PPP1R12A: variants seen among roughly 807,000 people sequenced by gnomAD.
The protein encoded by PPP1R12A is protein phosphatase 1 regulatory subunit 12A.
In PPP1R12A, 19 loss-of-function variants were observed where a neutral mutation model predicts 139.6. That is an observed-to-expected ratio of 0.14 (90% CI 0.09 to 0.20). PPP1R12A has a LOEUF of 0.20. PPP1R12A is among the 10% of genes least tolerant of loss of function. PPP1R12A has a pLI of 1.00. For synonymous variants in PPP1R12A, 427 were observed against 420.6 expected (o/e 1.02, Z -0.19); for missense variants, 925 against 1,211.5 (o/e 0.76, Z 3.51).
intron 1 of PPP1R12A, among the ~76,000 whole-genome samples, chr12:79,895,437 A>G (rs969723825): frequency 6.6e-6 from 1 of 152,298 alleles, no homozygotes; most frequent in African/African-American, 2.4e-5. Flanking sequence ...TTCAAAATTA[A>G]AATATACTAG....
rs149961240 is a variant in PPP1R12A, at chr12:79,855,746, G to C, written c.369-10326C>G. 4.6e-3 allele frequency among the ~76,000 whole-genome samples: 690 copies of C among 151,254 alleles called. 5 individuals are homozygous for C. Among genetic ancestry groups the C allele is most frequent in the Non-Finnish European group, 6.9e-3 (468 of 67,808 alleles). On this transcript the variant is annotated intron_variant, in intron 2 of 24. Coordinates refer to ENST00000450142, the MANE Select transcript of PPP1R12A (RefSeq NM_002480.3). Reference sequence around the variant, plus strand: ...CACATTTACAGTTAAGTGAGATAAAGACTACAAATAGCCTCCCATCAGTGC... The same window carrying C: ...CACATTTACAGTTAAGTGAGATAAACACTACAAATAGCCTCCCATCAGTGC...
At chr12:79,932,249 C>G (rs1888306988) in intron 1 of PPP1R12A, among the ~76,000 whole-genome samples, 2 of 152,128 alleles carry the variant, frequency 1.3e-5, no homozygotes, top group African/African-American at 4.8e-5. Flanking sequence ...AAGCTAAGTT[C>G]AAGAGATTTC....
Position 79,890,265 on chromosome 12 carries a change from G to A in PPP1R12A, c.238-17327C>T, listed in dbSNP as rs116265230. Among the ~76,000 whole-genome samples, 792 of 152,172 alleles carry A rather than the reference G, an allele frequency of 5.2e-3. 5 individuals carry two copies. Among genetic ancestry groups the A allele is most frequent in the African/African-American group, 0.018 (752 of 41,504 alleles). On this transcript the variant is annotated intron_variant, in intron 1 of 24. Coordinates refer to ENST00000450142, the MANE Select transcript of PPP1R12A (RefSeq NM_002480.3). ...AACTCATACAAAGTAAATTAGAAAG[G>A]ATTTAAATATCATACACTCTAATAA...
intron 1 of PPP1R12A, among the ~76,000 whole-genome samples, chr12:79,879,828 A>C (rs1037213065): frequency 6.6e-6 from 1 of 152,042 alleles, no homozygotes; most frequent in Non-Finnish European, 1.5e-5. Context: ...TATACTTAAG[A>C]GTTGTATACT....
intron 1 of PPP1R12A, among the ~76,000 whole-genome samples, chr12:79,909,176 A>G (rs1333736392): frequency 6.6e-6 from 1 of 152,238 alleles, no homozygotes; most frequent in Non-Finnish European, 1.5e-5. Flanking sequence ...GTGACCCTAC[A>G]GTCACATCTG....
At chr12:79,902,970 G>T (rs1885780390) in intron 1 of PPP1R12A, among the ~76,000 whole-genome samples, 1 of 150,856 alleles carries the variant, frequency 6.6e-6, no homozygotes, top group Non-Finnish European at 1.5e-5. Context: ...CCCACAAAAG[G>T]TTAAAAAAAA....
intron 1 of PPP1R12A, among the ~76,000 whole-genome samples, chr12:79,934,188 TA>T (rs1888483321): frequency 6.6e-6 from 1 of 152,188 alleles, no homozygotes; most frequent in South Asian, 2.1e-4. Flanking sequence ...GGCTCTAGAT[TA>T]CTATTATTAT....
intron 1 of PPP1R12A, among the ~76,000 whole-genome samples, chr12:79,896,335 A>T (rs1885129293): frequency 6.6e-6 from 1 of 152,020 alleles, no homozygotes. Context: ...AATAAATTTT[A>T]TTTATTTATT....
chr12:79,906,431 T>C (rs1338951250), intron 1 of PPP1R12A, among the ~76,000 whole-genome samples: 1 of 152,058 alleles, frequency 6.6e-6, no homozygotes, highest in East Asian at 1.9e-4. Context: ...ACAGTAATTT[T>C]TTCTCTTATT....
chr12:79,858,131 C>T (rs1328471975), intron 2 of PPP1R12A, among the ~76,000 whole-genome samples: 1 of 152,086 alleles, frequency 6.6e-6, no homozygotes, highest in Non-Finnish European at 1.5e-5. Context: ...AATTGAAATT[C>T]ATGGATCTGC....
At position 79,797,232 on chromosome 12, in the gene PPP1R12A, T is replaced by A. The variant is rs775083133; in HGVS notation, c.2255A>T (p.Asp752Val). 1.9e-6 allele frequency: 3 copies of A among 1,589,342 alleles called. No individual in the cohort carries two copies. In the South Asian group the frequency reaches 3.4e-5, roughly 18 times the overall value. Reference protein sequence around the residue: ...EKKESETSREDEYKQKYSRTY... With the variant: ...EKKESETSREVEYKQKYSRTY... Reference sequence around the variant, plus strand: ...TCTGGAGTACTTTTGTTTATATTCATCTTCTCTAGATGTTTCTGACTCCTT... The same window carrying A: ...TCTGGAGTACTTTTGTTTATATTCAACTTCTCTAGATGTTTCTGACTCCTT... Residue 752 changes from aspartate (D) to valine (V), a missense_variant, in exon 16 of 25, where the codon GAT becomes GTT. Asp to Val is a radical substitution (Grantham distance 152). Transcript: ENST00000450142.
intron 8 of PPP1R12A, 117 bp from the exon 9 acceptor site, chr12:79,817,635 C>G: frequency 1.0e-6 from 1 of 990,310 alleles, no homozygotes; most frequent in South Asian, 1.8e-5. Context: ...AAAGTCTTTC[C>G]CCACTGTGAT....
chr12:79,934,393 T>C (rs1888503181), intron 1 of PPP1R12A, among the ~76,000 whole-genome samples: 1 of 152,048 alleles, frequency 6.6e-6, no homozygotes. Context: ...CGACCCCAAA[T>C]CCCAGACTTA....
At chr12:79,815,951 T>A (rs905603767) in intron 9 of PPP1R12A, among the ~76,000 whole-genome samples, 4 of 150,402 alleles carry the variant, frequency 2.7e-5, no homozygotes, top group African/African-American at 9.7e-5. Context: ...CTTGGGAAGT[T>A]TGAGAGAAGG....
chr12:79,921,686 G>A (rs1887452452), intron 1 of PPP1R12A, among the ~76,000 whole-genome samples: 1 of 152,146 alleles, frequency 6.6e-6, no homozygotes, highest in South Asian at 2.1e-4. Flanking sequence ...GATTAGTACT[G>A]TGCTGGACAT....
chr12:79,780,470 AG>A (rs947916654), intron 23 of PPP1R12A: 8 of 152,184 alleles, frequency 5.3e-5, no homozygotes, highest in African/African-American at 1.9e-4. Context: ...AGAAAAAAAA[AG>A]TATCAAAATA....
chr12:79,855,527 T>C (rs1279655531), intron 2 of PPP1R12A, among the ~76,000 whole-genome samples: 1 of 152,120 alleles, frequency 6.6e-6, no homozygotes, highest in African/African-American at 2.4e-5. Context: ...GGTAACTGTT[T>C]TAAGGTTTTG....
intron 3 of PPP1R12A, among the ~76,000 whole-genome samples, chr12:79,837,958 C>A (rs1461022948): frequency 6.6e-6 from 1 of 152,046 alleles, no homozygotes; most frequent in Non-Finnish European, 1.5e-5. Flanking sequence ...TAGTGGGGCA[C>A]AGTTGTAAAG....
rs150449832 is a variant in PPP1R12A, at chr12:79,862,814, T to G, written c.368+9994A>C. On this transcript the variant is annotated intron_variant, in intron 2 of 24. Transcript: ENST00000450142. ...ATAAAGCCTCCAAGAAATATGGGAC[T>G]ATGTGAAAAAACGAAATCAATGTTT... Among the ~76,000 whole-genome samples, 792 of 152,198 alleles carry G rather than the reference T, an allele frequency of 5.2e-3. 5 individuals carry two copies. Among genetic ancestry groups the G allele is most frequent in the African/African-American group, 0.018 (752 of 41,520 alleles).
Sources: allele counts gnomAD v4.1 joint callset (sites outside exome capture counted in the v4.1 genomes callset), GRCh38; gene constraint gnomAD v4.1.1; transcripts MANE v1.5; gene names NCBI Gene and HGNC (gene_info 2026-07-23, HGNC 2026-07-21).